ENPP5: variants seen among roughly 807,000 people sequenced by gnomAD.
The protein encoded by ENPP5 is ectonucleotide pyrophosphatase/phosphodiesterase family member 5.
In ENPP5, 27 loss-of-function variants were observed where a neutral mutation model predicts 33.7. That is an observed-to-expected ratio of 0.80 (90% CI 0.59 to 1.11). The LOEUF is 1.11. Ranked by LOEUF, ENPP5 falls within the 50% of genes least tolerant of loss-of-function variation. The pLI, the probability that ENPP5 is intolerant of heterozygous loss-of-function variation, is 0.00. For missense variants in ENPP5, 552 were observed against 579.2 expected (o/e 0.95, Z 0.48); for synonymous variants, 199 against 200.5 (o/e 0.99, Z 0.06).
chr6:46,169,638 C>G (rs943505662), intron 2 of ENPP5, among the ~76,000 whole-genome samples: 2 of 152,198 alleles, frequency 1.3e-5, no homozygotes, highest in African/African-American at 4.8e-5. Flanking sequence ...AGGTGATTCA[C>G]CCTTCTCGGC....
chr6:46,168,326 G>A (rs1233824194), intron 2 of ENPP5, 29 bp from the exon 3 acceptor site: 21 of 1,124,196 alleles, frequency 1.9e-5, no homozygotes, highest in Non-Finnish European at 2.6e-5. Flanking sequence ...GAAATTAAAG[G>A]CAATAATTTT....
chr6:46,168,804 C>G (rs970498531), intron 2 of ENPP5, among the ~76,000 whole-genome samples: 3 of 151,626 alleles, frequency 2.0e-5, no homozygotes, highest in African/African-American at 7.3e-5. Context: ...ATTTTCAACC[C>G]CTATGTTTGG....
At chr6:46,166,826 C>A (rs953990791) in intron 3 of ENPP5, among the ~76,000 whole-genome samples, 2 of 152,118 alleles carry the variant, frequency 1.3e-5, no homozygotes, top group Non-Finnish European at 2.9e-5. Context: ...TATTTTGTGA[C>A]CTCAGGATGT....
At chr6:46,162,004 C>T (rs985801996) in intron 4 of ENPP5, among the ~76,000 whole-genome samples, 19 of 152,246 alleles carry the variant, frequency 1.2e-4, no homozygotes, top group African/African-American at 4.3e-4. Context: ...GGGTAAAGAA[C>T]AAAGCAGAGC....
chr6:46,162,514 C>A (rs1196234312), intron 4 of ENPP5, among the ~76,000 whole-genome samples: 1 of 152,082 alleles, frequency 6.6e-6, no homozygotes, highest in African/African-American at 2.4e-5. Context: ...GGAGCTACTG[C>A]TGATAAGATG....
At chr6:46,165,261 G>C (rs1764507613) in intron 4 of ENPP5, 126 bp downstream of exon 4, 3 of 719,526 alleles carry the variant, frequency 4.2e-6, no homozygotes, top group Non-Finnish European at 6.4e-6. Flanking sequence ...AAACATTGTA[G>C]TTCCTTAATA....
chr6:46,169,141 C>G (rs1359755528), intron 2 of ENPP5, among the ~76,000 whole-genome samples: 1 of 152,288 alleles, frequency 6.6e-6, no homozygotes, highest in African/African-American at 2.4e-5. Flanking sequence ...TTCCCCTAAT[C>G]TGTGTATATT....
Position 46,161,160 on chromosome 6 carries a change from T to C in ENPP5, c.*166A>G. 1.7e-6 allele frequency: 1 copy of C among 592,466 alleles called. No individual in the cohort carries two copies. Among genetic ancestry groups the C allele is most frequent in the Non-Finnish European group, 3.0e-6 (1 of 337,730 alleles). The allele number at this position is 592,466 out of a possible 1,614,324, so 36.7% of individuals were successfully genotyped here. A position where few individuals can be genotyped will look rare whatever the true frequency, so the allele number is the denominator to read the frequency against. On this transcript the variant is annotated 3_prime_UTR_variant, in exon 5 of 5. Coordinates refer to ENST00000371383, the MANE Select transcript of ENPP5 (RefSeq NM_001290072.2). Reference sequence around the variant, plus strand: ...TCCTTTGCAGGTGTAAGTATTTTGGTCCGTGTGTGTGTATGTGTGTGTGTG... The same window carrying C: ...TCCTTTGCAGGTGTAAGTATTTTGGCCCGTGTGTGTGTATGTGTGTGTGTG...
chr6:46,167,094 G>A (rs1038534185), intron 3 of ENPP5, among the ~76,000 whole-genome samples: 12 of 152,252 alleles, frequency 7.9e-5, no homozygotes, highest in African/African-American at 2.9e-4. Flanking sequence ...TGAAATAACT[G>A]TACATGCATT....
intron 3 of ENPP5, among the ~76,000 whole-genome samples, chr6:46,166,700 T>C (rs1051228364): frequency 1.3e-5 from 2 of 152,168 alleles, no homozygotes; most frequent in African/African-American, 4.8e-5. Context: ...AGGGATGGAA[T>C]TCTCATTTGT....
intron 3 of ENPP5, among the ~76,000 whole-genome samples, chr6:46,167,207 A>C (rs189225818): frequency 2.0e-5 from 3 of 152,356 alleles, no homozygotes; most frequent in African/African-American, 7.2e-5. Context: ...ACTGCCATAC[A>C]TACATAGAGC....
At position 46,167,921 on chromosome 6, in the gene ENPP5, G is replaced by A; in HGVS notation, c.342C>T (p.Ser114=). ...FSLDHMNIYD[S]KFWEEATPIW... is the part of the protein sequence containing the mutation. Reference sequence around the variant, plus strand: ...TTGGTGTCGCTTCTTCCCAAAACTTGGAATCATAAATATTCATGTGATCCA... The same window carrying A: ...TTGGTGTCGCTTCTTCCCAAAACTTAGAATCATAAATATTCATGTGATCCA... Residue 114 remains serine, a synonymous_variant, in exon 3 of 5, where the codon TCC becomes TCT. Coordinates refer to ENST00000371383, the MANE Select transcript of ENPP5 (RefSeq NM_001290072.2). 6.2e-7 allele frequency: 1 copy of A among 1,614,034 alleles called. No homozygotes were observed. The highest frequency in any genetic ancestry group is 8.5e-7 in the Non-Finnish European group (1 of 1,180,018).
At chr6:46,169,215 T>A (rs1764653100) in intron 2 of ENPP5, among the ~76,000 whole-genome samples, 1 of 152,186 alleles carries the variant, frequency 6.6e-6, no homozygotes, top group South Asian at 2.1e-4. Flanking sequence ...ACAATAGATA[T>A]GTAAATTTTG....
chr6:46,167,246 GA>G (rs368109786), intron 3 of ENPP5, among the ~76,000 whole-genome samples, 187 bp downstream of exon 3: 183 of 150,854 alleles, frequency 1.2e-3, no homozygotes, highest in African/African-American at 4.2e-3. Context: ...TAGGAAAAAG[GA>G]AAAAAAAATT....
In ENPP5 at chr6:46,168,180, T is replaced by C. The variant is rs1400296502; in HGVS notation, c.83A>G (p.Gln28Arg). ...ATCAAAAGAAACTAGTAGAACCTTT[T>C]GCTGGTCTGGTTGGAGAGAAAAGGT... ...STTFSLQPDQ[Q>R]KVLLVSFDGF... The change falls in exon 3 of 5, where the codon CAA (glutamine) becomes CGA (arginine). Residue 28 changes from glutamine (Q) to arginine (R), a missense_variant. Coordinates refer to ENST00000371383, the MANE Select transcript of ENPP5 (RefSeq NM_001290072.2). 1.9e-6 allele frequency: 3 copies of C among 1,613,466 alleles called. No homozygotes were observed. Among genetic ancestry groups the C allele is most frequent in the Non-Finnish European group, 2.5e-6 (3 of 1,179,438 alleles).
At position 46,167,458 on chromosome 6, in the gene ENPP5, C is replaced by G. The variant is rs1212567409; in HGVS notation, c.805G>C (p.Val269Leu). ...DHYTLIDQSP[V>L]AAILPKEGKF... is the part of the protein sequence containing the mutation. Reference sequence around the variant, plus strand: ...CCTTCTTTTGGCAAGATGGCTGCTACTGGAGATTGATCAATCAGGGTATAG... The same window carrying G: ...CCTTCTTTTGGCAAGATGGCTGCTAGTGGAGATTGATCAATCAGGGTATAG... The change falls in exon 3 of 5, where the codon GTA becomes CTA. Residue 269 changes from valine to leucine, a missense_variant. Transcript: ENST00000371383. The G allele has an allele frequency of 1.2e-6, 2 of 1,607,920 alleles. No homozygotes were observed. Among genetic ancestry groups the G allele is most frequent in the Non-Finnish European group, 1.7e-6 (2 of 1,174,890 alleles).
chr6:46,160,874 G>A lies in ENPP5; in HGVS notation c.*452C>T, dbSNP rs1764369891. On this transcript the variant is annotated 3_prime_UTR_variant, in exon 5 of 5. Coordinates refer to ENST00000371383, the MANE Select transcript of ENPP5 (RefSeq NM_001290072.2). ...GATTATTAGAAATTTCCTTCAGTTT[G>A]AACAATGCGTAACAAGTATTCTGTG... 1 of 157,442 alleles carries A rather than the reference G, an allele frequency of 6.4e-6. No homozygotes were observed. The highest frequency in any genetic ancestry group is 2.4e-5 in the African/African-American group (1 of 41,448). 9.8% of individuals were successfully genotyped at this position (157,442 alleles called of 1,614,324 possible).
At chr6:46,163,992 C>A (rs1764465110) in intron 4 of ENPP5, among the ~76,000 whole-genome samples, 3 of 152,070 alleles carry the variant, frequency 2.0e-5, no homozygotes, top group Non-Finnish European at 4.4e-5. Context: ...CCATAAAAAC[C>A]CTAGAAGAAA....
Position 46,161,587 on chromosome 6 carries a change from T to A in ENPP5, c.1173A>T (p.Ser391=). 1.2e-6 allele frequency: 2 copies of A among 1,614,114 alleles called. No homozygotes were observed. The highest frequency in any genetic ancestry group is 1.7e-6 in the Non-Finnish European group (2 of 1,179,976). ...TGAGCAGATCCTGGACATTCCAGAA[T>A]GATCCATTGTGTGGCATGGCGGTGA... is the stretch of plus-strand genomic sequence containing the variant. ...LNITAMPHNG[S]FWNVQDLLNS... is the part of the protein sequence containing the mutation. Residue 391 remains serine (S), a synonymous_variant, in exon 5 of 5, where the codon TCA becomes TCT. Transcript: ENST00000371383.
Sources: allele counts gnomAD v4.1 joint callset (sites outside exome capture counted in the v4.1 genomes callset), GRCh38; gene constraint gnomAD v4.1.1; transcripts MANE v1.5; gene names NCBI Gene and HGNC (gene_info 2026-07-23, HGNC 2026-07-21).